Variants in TTC28 observed in about 807,000 individuals in gnomAD.
TTC28 encodes tetratricopeptide repeat protein 28.
TTC28 carries 61 observed loss-of-function variants against 198.0 expected under a neutral mutation model. The observed-to-expected ratio is 0.31, with a 90% confidence interval of 0.25 to 0.38. The LOEUF (loss-of-function observed/expected upper bound fraction) is 0.38, where lower values mean the gene tolerates loss of function less well. Among genes scored for constraint, TTC28 ranks in the 10% least tolerant of loss-of-function variants. TTC28 has a pLI of 1.00. For missense variants in TTC28, 2,678 were observed against 3,164.0 expected (o/e 0.85, Z 3.69); for synonymous variants, 1,171 against 1,297.8 (o/e 0.90, Z 2.10).
chr22:28,616,423 C>G lies in TTC28; in HGVS notation c.381+13129G>C, dbSNP rs568566751. On this transcript the variant is annotated intron_variant, in intron 2 of 22. Coordinates refer to ENST00000397906, the MANE Select transcript of TTC28 (RefSeq NM_001145418.2). ...ATTATATTTTATTACTATTATAATA[C>G]TAGGTAAACCAAAGGGAAACATGAG... Among the ~76,000 whole-genome samples, 7 of 152,248 alleles carry G rather than the reference C, an allele frequency of 4.6e-5. No homozygotes were observed. In the East Asian group the frequency reaches 9.6e-4, roughly 21 times the overall value.
At chr22:28,365,029 T>C (rs1490214540) in intron 2 of TTC28, among the ~76,000 whole-genome samples, 1 of 152,164 alleles carries the variant, frequency 6.6e-6, no homozygotes, top group Admixed American at 6.5e-5. Flanking sequence ...GAGAAATCTT[T>C]TGTGAAAGGA....
chr22:28,288,652 C>CAA (rs532890396), intron 5 of TTC28, among the ~76,000 whole-genome samples: 1 of 139,684 alleles, frequency 7.2e-6, no homozygotes, highest in South Asian at 2.3e-4. Flanking sequence ...CTAAAAAATA[C>CAA]AAAAAAAAAA....
At chr22:28,021,620 G>A (rs377587759) in intron 13 of TTC28, among the ~76,000 whole-genome samples, 6 of 152,306 alleles carry the variant, frequency 3.9e-5, no homozygotes, top group African/African-American at 1.2e-4. Flanking sequence ...AGCAAGGCCC[G>A]ATAGCAGCTG....
chr22:28,049,048 T>A (rs899997700), intron 12 of TTC28, among the ~76,000 whole-genome samples: 2 of 152,116 alleles, frequency 1.3e-5, no homozygotes, highest in Non-Finnish European at 2.9e-5. Flanking sequence ...AGTCTGCCCA[T>A]CTTTGCCCCT....
In TTC28 at chr22:28,266,311, C is replaced by G. The variant is rs942728086; in HGVS notation, c.933+29887G>C. Reference sequence around the variant, plus strand: ...GACAACATGGACAGCAAGTTTATTACTTTCTCAAAAGGAATCACAGGAATA... The same window carrying G: ...GACAACATGGACAGCAAGTTTATTAGTTTCTCAAAAGGAATCACAGGAATA... On this transcript the variant is annotated intron_variant, in intron 5 of 22. Coordinates refer to ENST00000397906, the MANE Select transcript of TTC28 (RefSeq NM_001145418.2). Among the ~76,000 whole-genome samples, 13 of 152,158 alleles carry G rather than the reference C, an allele frequency of 8.5e-5. 1 individual carries two copies. The South Asian group carries it at 1.7e-3, about 19-fold the overall frequency.
intron 6 of TTC28, among the ~76,000 whole-genome samples, chr22:28,149,768 G>C (rs1183777053): frequency 6.6e-6 from 1 of 152,158 alleles, no homozygotes; most frequent in Non-Finnish European, 1.5e-5. Context: ...AGAGAAGGGA[G>C]ATGTTCATCA....
At chr22:28,337,286 T>G (rs1355185114) in intron 2 of TTC28, among the ~76,000 whole-genome samples, 2 of 152,166 alleles carry the variant, frequency 1.3e-5, no homozygotes, top group Non-Finnish European at 2.9e-5. Flanking sequence ...GGAATAGGTG[T>G]GGTGTGGTGC....
intron 2 of TTC28, among the ~76,000 whole-genome samples, chr22:28,335,048 G>A (rs1244102831): frequency 6.6e-6 from 1 of 152,134 alleles, no homozygotes; most frequent in East Asian, 1.9e-4. Context: ...GTAAGGAAGG[G>A]ATCCAGTTTC....
At position 27,993,334 on chromosome 22, in the gene TTC28, G is replaced by T; in HGVS notation, c.5429C>A (p.Pro1810Gln). 6.5e-7 allele frequency: 1 copy of T among 1,549,784 alleles called. No individual in the cohort carries two copies. The highest frequency in any genetic ancestry group is 8.7e-7 in the Non-Finnish European group (1 of 1,146,812). ...PAAVFFPTSD[P>Q]GDRLQQCSST... is the part of the protein sequence containing the mutation. Reference sequence around the variant, plus strand: ...GCTGCACTGCTGGAGCCGGTCGCCCGGGTCGGAGGTTGGGAAGAAGACAGC... The same window carrying T: ...GCTGCACTGCTGGAGCCGGTCGCCCTGGTCGGAGGTTGGGAAGAAGACAGC... The change falls in exon 18 of 23, where the codon CCG becomes CAG. Residue 1810 changes from proline (P) to glutamine (Q), a missense_variant. Transcript: ENST00000397906.
At chr22:28,211,994 A>G (rs1238768750) in intron 5 of TTC28, among the ~76,000 whole-genome samples, 1 of 152,212 alleles carries the variant, frequency 6.6e-6, no homozygotes, top group Non-Finnish European at 1.5e-5. Context: ...GCTCAACTAT[A>G]TGGAAACTGA....
At chr22:28,295,560 C>T (rs2044876746) in intron 5 of TTC28, among the ~76,000 whole-genome samples, 1 of 152,076 alleles carries the variant, frequency 6.6e-6, no homozygotes, top group African/African-American at 2.4e-5. Flanking sequence ...TATAACTACC[C>T]CCAAGATCCC....
intron 2 of TTC28, among the ~76,000 whole-genome samples, chr22:28,407,233 T>C (rs1182660196): frequency 2.0e-5 from 3 of 152,208 alleles, no homozygotes; most frequent in African/African-American, 7.2e-5. Context: ...CCTTCCAACC[T>C]GTCTAGTCTT....
At chr22:28,598,414 C>A (rs913437952) in intron 2 of TTC28, among the ~76,000 whole-genome samples, 1 of 143,920 alleles carries the variant, frequency 6.9e-6, no homozygotes, top group Non-Finnish European at 1.5e-5. Context: ...GAGGCTGAGG[C>A]AGGAGAATGG....
intron 21 of TTC28, among the ~76,000 whole-genome samples, chr22:27,987,784 T>C (rs1370903124): frequency 1.3e-5 from 2 of 152,214 alleles, no homozygotes; most frequent in African/African-American, 4.8e-5. Context: ...GCTTGCCCTA[T>C]GGCTTCTCAC....
chr22:28,574,811 A>C (rs1269102401), intron 2 of TTC28, among the ~76,000 whole-genome samples: 2 of 152,042 alleles, frequency 1.3e-5, no homozygotes, highest in Non-Finnish European at 2.9e-5. Flanking sequence ...CCTTTTTGCC[A>C]TTTGTATGTC....
At chr22:28,144,848 T>TGCAGTG (rs1417075125) in intron 6 of TTC28, among the ~76,000 whole-genome samples, 1 of 152,198 alleles carries the variant, frequency 6.6e-6, no homozygotes, top group East Asian at 1.9e-4. Flanking sequence ...CGCCTCACCA[T>TGCAGTG]CTGGGCACAA....
In TTC28 at chr22:28,594,802, C is replaced by A. The variant is rs1253043734; in HGVS notation, c.381+34750G>T. Among the ~76,000 whole-genome samples the A allele has an allele frequency of 2.0e-5, 3 of 152,242 alleles. 1 individual carries two copies. Among genetic ancestry groups the A allele is most frequent in the East Asian group, 3.9e-4 (2 of 5,180 alleles). On this transcript the variant is annotated intron_variant, in intron 2 of 22. Transcript: ENST00000397906. ...GTCAAAATATCTCTTGAAATCTTCA[C>A]CATCCGATAAATAAGAAGGAAAGTC...
At chr22:28,165,371 A>C (rs1432193238) in intron 5 of TTC28, among the ~76,000 whole-genome samples, 1 of 152,094 alleles carries the variant, frequency 6.6e-6, no homozygotes, top group Admixed American at 6.5e-5. Flanking sequence ...CAAGACACAT[A>C]ATTGTCAGAT....
At chr22:28,043,606 G>A (rs528490409) in intron 12 of TTC28, among the ~76,000 whole-genome samples, 1 of 152,132 alleles carries the variant, frequency 6.6e-6, no homozygotes, top group South Asian at 2.1e-4. Flanking sequence ...GCCTCCCACA[G>A]CCCAGGGGTT....
Sources: allele counts gnomAD v4.1 joint callset (sites outside exome capture counted in the v4.1 genomes callset), GRCh38; gene constraint gnomAD v4.1.1; transcripts MANE v1.5; gene names NCBI Gene and HGNC (gene_info 2026-07-23, HGNC 2026-07-21).